Variants in STX18 observed in about 807,000 individuals in gnomAD.
STX18 encodes syntaxin 18.
Under a neutral mutation model 50.1 loss-of-function variants are expected in STX18, and 40 were observed. That is an observed-to-expected ratio of 0.80 (90% CI 0.62 to 1.04). The LOEUF (loss-of-function observed/expected upper bound fraction) is 1.04, where lower values mean the gene tolerates loss of function less well. Among genes scored for constraint, STX18 ranks in the 50% least tolerant of loss-of-function variants. The pLI is 0.00. For synonymous variants in STX18, 158 were observed against 151.8 expected (o/e 1.04, Z -0.30); for missense variants, 410 against 415.8 (o/e 0.99, Z 0.12).
chr4:4,481,040 G>A (rs756575186), intron 1 of STX18, among the ~76,000 whole-genome samples: 21 of 152,206 alleles, frequency 1.4e-4, no homozygotes, highest in Non-Finnish European at 2.6e-4. Context: ...CATCCCAGGC[G>A]GCAGGCCCAG....
chr4:4,434,359 C>T (rs1003490942), intron 7 of STX18, among the ~76,000 whole-genome samples: 1 of 152,180 alleles, frequency 6.6e-6, no homozygotes, highest in East Asian at 1.9e-4. Flanking sequence ...AAAGGAGGTG[C>T]TATCAGTAGT....
intron 1 of STX18, among the ~76,000 whole-genome samples, chr4:4,486,114 T>C (rs1404049197): frequency 6.6e-6 from 1 of 152,224 alleles, no homozygotes; most frequent in Non-Finnish European, 1.5e-5. Flanking sequence ...GAAGGTTGCA[T>C]GGAAAGAACC....
intron 1 of STX18, among the ~76,000 whole-genome samples, chr4:4,525,412 A>G (rs1730704897): frequency 6.6e-6 from 1 of 152,232 alleles, no homozygotes; most frequent in Admixed American, 6.5e-5. Context: ...CTGGATTTTT[A>G]TGGCTTTTAA....
chr4:4,421,247 C>T (rs1033188996), intron 9 of STX18, among the ~76,000 whole-genome samples: 21 of 152,038 alleles, frequency 1.4e-4, no homozygotes, highest in African/African-American at 3.1e-4. Context: ...TTTTATGAAA[C>T]GGAAACTCAC....
At chr4:4,542,154 G>C (rs1028426030), upstream of STX18, 24 of 682,036 alleles carry the variant, frequency 3.5e-5, no homozygotes, top group Admixed American at 2.0e-4. Context: ...GCCTCAGCCG[G>C]CGCACCTGGC....
At chr4:4,423,219 C>A (rs538015341) in intron 9 of STX18, among the ~76,000 whole-genome samples, 1 of 152,242 alleles carries the variant, frequency 6.6e-6, no homozygotes, top group East Asian at 1.9e-4. Context: ...TTACCCAGCA[C>A]ATCCAGAACC....
intron 5 of STX18, among the ~76,000 whole-genome samples, chr4:4,444,291 G>A (rs908131625): frequency 2.0e-5 from 3 of 152,110 alleles, no homozygotes; most frequent in African/African-American, 4.8e-5. Context: ...TTGTTGGCTC[G>A]GGGTCTCTTC....
chr4:4,466,574 G>A (rs916123648), intron 2 of STX18, among the ~76,000 whole-genome samples: 3 of 152,154 alleles, frequency 2.0e-5, no homozygotes, highest in Non-Finnish European at 2.9e-5. Flanking sequence ...GATCAGGCAA[G>A]TGACAAAGGC....
intron 1 of STX18, chr4:4,476,161 T>C (rs1728164494): frequency 6.6e-6 from 1 of 151,748 alleles, no homozygotes; most frequent in South Asian, 2.1e-4. Flanking sequence ...TGGAAAAGAG[T>C]TTTCATCAGT....
chr4:4,483,759 G>A (rs1342022786), intron 1 of STX18, among the ~76,000 whole-genome samples: 2 of 152,170 alleles, frequency 1.3e-5, no homozygotes, highest in East Asian at 3.8e-4. Flanking sequence ...ACCTCAGACA[G>A]TAAAAAGTTC....
chr4:4,507,159 A>G lies in STX18; in HGVS notation c.168+34638T>C, dbSNP rs75602001. The G allele has an allele frequency of 4.9e-3, 2,764 of 563,150 alleles. 44 individuals carry two copies. The highest frequency in any genetic ancestry group is 0.045 in the African/African-American group (2,450 of 53,862). The allele number at this position is 563,150 out of a possible 1,614,324, so 34.9% of individuals were successfully genotyped here. On this transcript the variant is annotated intron_variant, in intron 1 of 10. Transcript: ENST00000306200. Reference sequence around the variant, plus strand: ...TTCCAAAGAATGCTAGCAACACAGTACAAGACGGCATGACACTCCCTCTTG... The same window carrying G: ...TTCCAAAGAATGCTAGCAACACAGTGCAAGACGGCATGACACTCCCTCTTG...
Position 4,438,468 on chromosome 4 carries a change from G to C in STX18, c.539C>G (p.Ser180Cys). 1 of 1,613,798 alleles carries C rather than the reference G, an allele frequency of 6.2e-7. No individual in the cohort carries two copies. The highest frequency in any genetic ancestry group is 8.5e-7 in the Non-Finnish European group (1 of 1,179,794). The change falls in exon 6 of 11, where the codon TCC becomes TGC. Residue 180 changes from serine to cysteine, a missense_variant. Physicochemically the swap from Ser to Cys is moderately radical, Grantham distance 112 (BLOSUM62 -1). Coordinates refer to ENST00000306200, the MANE Select transcript of STX18 (RefSeq NM_016930.4). ...CTGTGAAACTTTCTCAGAAGATGTG[G>C]ATTCTCTTGTCTTTGTATTTGGTTC... ...EPEPNTKTRE[S>C]TSSEKVSQSP...
chr4:4,495,558 CTTTTCTT>C (rs1729130269), intron 1 of STX18, among the ~76,000 whole-genome samples: 1 of 130,724 alleles, frequency 7.6e-6, no homozygotes, highest in Non-Finnish European at 1.6e-5. Context: ...AATTTTTTTT[CTTTTCTT>C]TTTTTTTTTT....
chr4:4,504,592 G>A (rs1262075752), intron 1 of STX18, among the ~76,000 whole-genome samples: 1 of 152,100 alleles, frequency 6.6e-6, no homozygotes, highest in Non-Finnish European at 1.5e-5. Flanking sequence ...TTGTTGTTCA[G>A]AATGTATAAA....
chr4:4,510,677 C>A (rs926190187), intron 1 of STX18, among the ~76,000 whole-genome samples: 7 of 152,190 alleles, frequency 4.6e-5, no homozygotes, highest in Non-Finnish European at 8.8e-5. Context: ...GATTATAAAT[C>A]ATTCTACTAT....
chr4:4,504,484 G>A (rs986398442), intron 1 of STX18, among the ~76,000 whole-genome samples: 2 of 152,100 alleles, frequency 1.3e-5, no homozygotes, highest in African/African-American at 4.8e-5. Context: ...GATACCTCTC[G>A]AAACTTAGCA....
At chr4:4,471,985 T>C (rs2108836474) in intron 1 of STX18, among the ~76,000 whole-genome samples, 1 of 152,378 alleles carries the variant, frequency 6.6e-6, no homozygotes, top group South Asian at 2.1e-4. Flanking sequence ...AATGCATGTC[T>C]AGTAATTACA....
Position 4,527,012 on chromosome 4 carries a change from T to C in STX18, c.168+14785A>G, listed in dbSNP as rs74912499. Reference sequence around the variant, plus strand: ...CTCTTCTTTTTCTTCCTTCTCTTAATTTAATTTTGATTTAACTTCCTCTTG... The same window carrying C: ...CTCTTCTTTTTCTTCCTTCTCTTAACTTAATTTTGATTTAACTTCCTCTTG... On this transcript the variant is annotated intron_variant, in intron 1 of 10. Transcript: ENST00000306200. Among the ~76,000 whole-genome samples, 25 of 152,318 alleles carry C rather than the reference T, an allele frequency of 1.6e-4. 1 individual carries two copies. The East Asian group carries it at 4.8e-3, about 29-fold the overall frequency.
intron 1 of STX18, among the ~76,000 whole-genome samples, chr4:4,494,261 C>G (rs62289845): frequency 0.022 from 3,291 of 152,264 alleles, 57 homozygotes; most frequent in Admixed American, 0.032. Flanking sequence ...TCACAGTGTA[C>G]CCTTGGTCAA....
Sources: gnomAD v4.1 joint callset for allele counts (sites outside exome capture counted in the v4.1 genomes callset) on GRCh38, gnomAD v4.1.1 for gene constraint, MANE v1.5 for transcripts, NCBI Gene and HGNC (gene_info 2026-07-23, HGNC 2026-07-21) for gene names.